SLC4A7: variants seen among roughly 807,000 people sequenced by gnomAD.
SLC4A7 encodes the protein sodium bicarbonate cotransporter 3.
In SLC4A7, 51 loss-of-function variants were observed where a neutral mutation model predicts 137.6. That is an observed-to-expected ratio of 0.37 (90% CI 0.30 to 0.47). The LOEUF (loss-of-function observed/expected upper bound fraction) is 0.47. Among genes scored for constraint, SLC4A7 ranks in the 20% least tolerant of loss-of-function variants. The pLI is 1.00. For missense variants in SLC4A7, 1,247 were observed against 1,525.4 expected, an observed-to-expected ratio of 0.82 and a Z score of 3.04; for synonymous variants, 542 against 518.6, an observed-to-expected ratio of 1.05 and a Z score of -0.61.
intron 13 of SLC4A7, among the ~76,000 whole-genome samples, chr3:27,405,464 C>T (rs2053247593): frequency 1.3e-5 from 2 of 152,132 alleles, no homozygotes; most frequent in South Asian, 4.1e-4. Context: ...AGGGCTTCAA[C>T]TTTATCTATA....
At chr3:27,439,331 T>C (rs904514510) in intron 3 of SLC4A7, among the ~76,000 whole-genome samples, 1 of 152,068 alleles carries the variant, frequency 6.6e-6, no homozygotes, top group Admixed American at 6.6e-5. Flanking sequence ...AAAAAACATA[T>C]CTGAAAATTT....
At position 27,424,099 on chromosome 3, in the gene SLC4A7, CACTTTT is replaced by C. The variant is rs776354416; in HGVS notation, c.1198_1203del (p.Lys400_Ser401del). On this transcript the variant is annotated inframe_deletion, in exon 8 of 26. Transcript: ENST00000454389. The stretch of plus-strand genomic sequence containing the variant: ...CCACTTCCATTACCTTTAATTTCTC[CACTTTT>C]ACTATTGTCCAAGTTTCCAGGAGCA... The C allele has an allele frequency of 1.5e-5, 24 of 1,612,060 alleles. No individual in the cohort carries two copies. The highest frequency in any genetic ancestry group is 1.9e-5 in the Non-Finnish European group (22 of 1,178,924).
chr3:27,394,492 A>G, intron 20 of SLC4A7, 26 bp downstream of exon 20: 1 of 1,589,902 alleles, frequency 6.3e-7, no homozygotes, highest in Non-Finnish European at 8.6e-7. Context: ...ATAAGATTGT[A>G]AAACACGGCA....
chr3:27,413,276 A>T (rs1005492887), intron 11 of SLC4A7, among the ~76,000 whole-genome samples: 5 of 152,212 alleles, frequency 3.3e-5, no homozygotes, highest in African/African-American at 1.2e-4. Flanking sequence ...AAGAAGAAAT[A>T]AGCTAATTGT....
At chr3:27,428,073 A>G (rs1243419395) in intron 7 of SLC4A7, among the ~76,000 whole-genome samples, 1 of 152,230 alleles carries the variant, frequency 6.6e-6, no homozygotes, top group African/African-American at 2.4e-5. Context: ...TAGCTTTTAA[A>G]ATCACTTTTG....
intron 1 of SLC4A7, among the ~76,000 whole-genome samples, chr3:27,478,875 C>T (rs1027964778): frequency 3.3e-5 from 5 of 149,880 alleles, no homozygotes; most frequent in African/African-American, 9.8e-5. Flanking sequence ...CGTGGTGGCA[C>T]ACCCCTGTAA....
At chr3:27,477,612 G>A (rs2059516600) in intron 1 of SLC4A7, among the ~76,000 whole-genome samples, 1 of 152,070 alleles carries the variant, frequency 6.6e-6, no homozygotes, top group African/African-American at 2.4e-5. Context: ...AGGTTTCTCA[G>A]AGCCTTTTTT....
chr3:27,398,230 G>C lies in SLC4A7; in HGVS notation c.2551C>G (p.Leu851Val). ...TAACGCTTGGTCTTAAATTGCTTGA[G>C]GAATGAAGACAGAAAAAATGTTGTG... ...FFTTFFLSSFLKQFKTKRYFP... is the reference protein window; with the variant it reads ...FFTTFFLSSFVKQFKTKRYFP... Residue 851 changes from leucine (L) to valine (V), a missense_variant, in exon 17 of 26, where the codon CTC (leucine) becomes GTC (valine). Around this residue, in one of 6 missense-constraint regions of SLC4A7, gnomAD observed 499 missense variants for 664.2 expected, o/e 0.75. Transcript: ENST00000454389. 4 of 1,612,824 alleles carry C rather than the reference G, an allele frequency of 2.5e-6. No homozygotes were observed. The highest frequency in any genetic ancestry group is 3.4e-6 in the Non-Finnish European group (4 of 1,179,122).
chr3:27,460,330 C>T (rs180766045), intron 1 of SLC4A7, among the ~76,000 whole-genome samples: 3 of 152,202 alleles, frequency 2.0e-5, no homozygotes, highest in South Asian at 2.1e-4. Flanking sequence ...GCCACTGCAC[C>T]GGGCCTATAT....
intron 5 of SLC4A7, among the ~76,000 whole-genome samples, chr3:27,435,733 T>G (rs561045459): frequency 2.6e-5 from 4 of 152,162 alleles, no homozygotes; most frequent in Admixed American, 2.6e-4. Context: ...TCCCAGCTAC[T>G]CAGTAGGTTG....
chr3:27,380,685 G>A (rs1417886634), intron 24 of SLC4A7, among the ~76,000 whole-genome samples: 1 of 152,166 alleles, frequency 6.6e-6, no homozygotes, highest in Non-Finnish European at 1.5e-5. Context: ...ACAAATTTAA[G>A]ATTGAAGAGA....
Position 27,398,084 on chromosome 3 carries a change from G to C in SLC4A7, c.2589+108C>G, listed in dbSNP as rs547757748. On this transcript the variant is annotated intron_variant, in intron 17 of 25. Transcript: ENST00000454389. The stretch of plus-strand genomic sequence containing the variant: ...GAATAATTTCTTTATTAACCAGTTG[G>C]CATGGAGTATTAACCTCAAAAAATA... 8.0e-6 allele frequency: 6 copies of C among 750,758 alleles called. No homozygotes were observed. The South Asian group carries it at 1.2e-4, about 15-fold the overall frequency. 46.5% of individuals were successfully genotyped at this position (750,758 alleles called of 1,614,324 possible).
chr3:27,412,058 G>GT (rs1242651250), intron 11 of SLC4A7, among the ~76,000 whole-genome samples: 1 of 151,800 alleles, frequency 6.6e-6, no homozygotes, highest in Non-Finnish European at 1.5e-5. Context: ...AGCTACAAAC[G>GT]TAAGTAACCT....
chr3:27,422,370 C>G (rs1329215805), intron 8 of SLC4A7, among the ~76,000 whole-genome samples: 2 of 152,068 alleles, frequency 1.3e-5, no homozygotes, highest in African/African-American at 4.8e-5. Context: ...TGGACTTAAG[C>G]AATCCTTGCA....
chr3:27,425,897 C>T (rs1265014398), intron 7 of SLC4A7, among the ~76,000 whole-genome samples: 1 of 151,994 alleles, frequency 6.6e-6, no homozygotes, highest in Non-Finnish European at 1.5e-5. Context: ...ACAGACTTTA[C>T]TTTTTGTTTT....
chr3:27,445,096 T>C (rs2057485988), intron 3 of SLC4A7, among the ~76,000 whole-genome samples: 3 of 152,238 alleles, frequency 2.0e-5, no homozygotes, highest in South Asian at 4.1e-4. Flanking sequence ...CCATTGTGGC[T>C]GAAGGGAACG....
At chr3:27,386,085 G>T in intron 22 of SLC4A7, 62 bp from the exon 23 acceptor site, 1 of 1,269,012 alleles carries the variant, frequency 7.9e-7, no homozygotes, top group Non-Finnish European at 1.1e-6. Context: ...CACTTAAAGA[G>T]GAAAAGCATA....
chr3:27,394,903 A>C, intron 19 of SLC4A7, 51 bp downstream of exon 19: 1 of 1,544,130 alleles, frequency 6.5e-7, no homozygotes, highest in Non-Finnish European at 8.7e-7. Flanking sequence ...TTACAAAAAC[A>C]GCTCAAACCC....
intron 1 of SLC4A7, among the ~76,000 whole-genome samples, chr3:27,473,215 C>G (rs2059326608): frequency 6.6e-6 from 1 of 152,116 alleles, no homozygotes; most frequent in Non-Finnish European, 1.5e-5. Context: ...CAGAGGACCA[C>G]TTGAGCCCAG....
Sources: gnomAD v4.1 joint callset for allele counts (sites outside exome capture counted in the v4.1 genomes callset) on GRCh38, gnomAD v4.1.1 for gene constraint, gnomAD v4.1.1 regional missense constraint, MANE v1.5 for transcripts, NCBI Gene and HGNC (gene_info 2026-07-23, HGNC 2026-07-21) for gene names.